The following TIMELESS variants were observed in gnomAD, a reference collection of about 807,000 sequenced individuals.
TIMELESS encodes the protein protein timeless homolog.
Under a neutral mutation model 164.3 loss-of-function variants are expected in TIMELESS, and 124 were observed. The observed-to-expected ratio is 0.75, with a 90% CI of 0.65 to 0.88. The LOEUF is 0.88. Ranked by LOEUF, TIMELESS falls within the 40% of genes least tolerant of loss-of-function variation. The probability of loss-of-function intolerance (pLI) is 0.00; values close to 1 mark genes in which losing one functional copy is unlikely to be tolerated. For synonymous variants in TIMELESS, 564 were observed against 563.4 expected (o/e 1.00, Z -0.02); for missense variants, 1,422 against 1,491.4 (o/e 0.95, Z 0.77).
Position 56,433,535 on chromosome 12 carries a change from C to T in TIMELESS, c.366+3G>A, listed in dbSNP as rs1881966200. 1 of 1,614,214 alleles carries T rather than the reference C, an allele frequency of 6.2e-7. No homozygotes were observed. The highest frequency in any genetic ancestry group is 8.5e-7 in the Non-Finnish European group (1 of 1,180,016). On this transcript the variant is annotated splice_donor_region_variant and intron_variant, in intron 4 of 28. Coordinates refer to ENST00000553532, the MANE Select transcript of TIMELESS (RefSeq NM_003920.5). ...CCCCAGGGACTCCAAAGGAAATCCT[C>T]ACCTCTTTGTAGGCCTGCAAATAAG... is the stretch of plus-strand genomic sequence containing the variant.
At chr12:56,419,279 A>G (rs1214255386) in intron 26 of TIMELESS, among the ~76,000 whole-genome samples, 1 of 152,226 alleles carries the variant, frequency 6.6e-6, no homozygotes, top group African/African-American at 2.4e-5. Context: ...GGCGTGAGCC[A>G]CCATACCCAG....
intron 1 of TIMELESS, among the ~76,000 whole-genome samples, chr12:56,447,701 T>C (rs1868385247): frequency 6.6e-6 from 1 of 152,152 alleles, no homozygotes; most frequent in Non-Finnish European, 1.5e-5. Context: ...CAGTAACCTT[T>C]TATTGATCTT....
chr12:56,440,910 C>T (rs1229960811), intron 1 of TIMELESS, among the ~76,000 whole-genome samples: 7 of 152,242 alleles, frequency 4.6e-5, no homozygotes, highest in Admixed American at 1.3e-4. Context: ...CTCTGCCTCC[C>T]GGGTTCAAAC....
intron 23 of TIMELESS, 72 bp from the exon 24 acceptor site, chr12:56,421,206 C>T (rs72480403): frequency 1.2e-6 from 2 of 1,601,906 alleles, no homozygotes; most frequent in Non-Finnish European, 1.7e-6. Context: ...CTCCTCGTTC[C>T]TGACCACCGC....
At chr12:56,447,697 CCTTTTATTGAT>C (rs2136159284) in intron 1 of TIMELESS, among the ~76,000 whole-genome samples, 1 of 152,238 alleles carries the variant, frequency 6.6e-6, no homozygotes, top group East Asian at 1.9e-4. Flanking sequence ...AGCTCAGTAA[CCTTTTATTGAT>C]CTTTTATTGA....
chr12:56,424,828 A>G lies in TIMELESS; in HGVS notation c.1802T>C (p.Val601Ala). ...AGCCAGGAGACAGTCTTGGATCCGT[A>G]CCATAGCTTCTGCCCGCTGCTCCTC... ...PVEEQRAEAMVRIQDCLLAGQ... is the reference protein window; with the variant it reads ...PVEEQRAEAMARIQDCLLAGQ... The change falls in exon 15 of 29, where the codon GTA becomes GCA. Residue 601 changes from valine to alanine, a missense_variant. Coordinates refer to ENST00000553532, the MANE Select transcript of TIMELESS (RefSeq NM_003920.5). 6.2e-7 allele frequency: 1 copy of G among 1,614,182 alleles called. No individual in the cohort carries two copies. The highest frequency in any genetic ancestry group is 8.5e-7 in the Non-Finnish European group (1 of 1,180,028).
At position 56,440,666 on chromosome 12, in the gene TIMELESS, T is replaced by C. The variant is rs532881163; in HGVS notation, c.-61-6435A>G. Among the ~76,000 whole-genome samples, 4 of 152,216 alleles carry C rather than the reference T, an allele frequency of 2.6e-5. No homozygotes were observed. The South Asian group carries it at 8.3e-4, about 32-fold the overall frequency. ...AATAATACCCACCCTCACAAGATATTAGGGAAGTGTAAATGAGATCATGTA... is the reference window on the plus strand; with the variant it reads ...AATAATACCCACCCTCACAAGATATCAGGGAAGTGTAAATGAGATCATGTA... On this transcript the variant is annotated intron_variant, in intron 1 of 28. Coordinates refer to ENST00000553532, the MANE Select transcript of TIMELESS (RefSeq NM_003920.5).
At chr12:56,442,297 C>T (rs1868287256) in intron 1 of TIMELESS, among the ~76,000 whole-genome samples, 1 of 152,074 alleles carries the variant, frequency 6.6e-6, no homozygotes, top group Admixed American at 6.6e-5. Flanking sequence ...AGGATTAAGG[C>T]AGCTGGGAAT....
chr12:56,418,329 T>C lies in TIMELESS; in HGVS notation c.3259A>G (p.Ser1087Gly). Residue 1087 changes from serine (S) to glycine (G), a missense_variant, in exon 27 of 29, where the codon AGT becomes GGT. By Grantham distance (56) the Ser-to-Gly change is moderately conservative. Transcript: ENST00000553532. ...GCTGCCCTCCGGAGCTGGGTAGGAC[T>C]CAGCTTGGCTGGAATTCGCCAGAAG... ...ETFWRIPAKL[S>G]PTQLRRAAAS... The C allele has an allele frequency of 1.9e-6, 3 of 1,611,938 alleles. No individual in the cohort carries two copies. Among genetic ancestry groups the C allele is most frequent in the Non-Finnish European group, 2.5e-6 (3 of 1,178,948 alleles).
At chr12:56,424,691 G>C (rs1881613529) in intron 15 of TIMELESS, 71 bp downstream of exon 15, 1 of 1,538,912 alleles carries the variant, frequency 6.5e-7, no homozygotes, top group African/African-American at 1.4e-5. Context: ...TGAAGACTGA[G>C]AACACTGTAC....
At chr12:56,423,028 G>A (rs905816621) in intron 18 of TIMELESS, 36 bp from the exon 19 acceptor site, 1 of 1,599,614 alleles carries the variant, frequency 6.3e-7, no homozygotes, top group African/African-American at 1.3e-5. Context: ...GGCCTCTCTG[G>A]TCCAATGCAG....
chr12:56,438,066 G>T (rs561989541), intron 1 of TIMELESS, among the ~76,000 whole-genome samples: 1 of 151,710 alleles, frequency 6.6e-6, no homozygotes, highest in Non-Finnish European at 1.5e-5. Flanking sequence ...TTCTGAGATG[G>T]AGTTTCGCTC....
intron 13 of TIMELESS, 51 bp from the exon 14 acceptor site, chr12:56,425,203 C>T (rs756596383): frequency 3.2e-6 from 4 of 1,242,894 alleles, no homozygotes; most frequent in Non-Finnish European, 3.3e-6. Flanking sequence ...AGAGGGCTTT[C>T]CCCATCAGTG....
In TIMELESS at chr12:56,421,385, T is replaced by C. The variant is rs1381779117; in HGVS notation, c.2834A>G (p.Lys945Arg). ...GGATGCCAACTTTTTCTGCCGTTTC[T>C]TGTACAGCTCCCGCCGCTCAGCCAC... Reference protein sequence around the residue: ...GLVAERRELYKKRQKKLASSI... With the variant: ...GLVAERRELYRKRQKKLASSI... The change falls in exon 23 of 29, where the codon AAG (lysine) becomes AGG (arginine). Residue 945 changes from lysine (K) to arginine (R), a missense_variant. Lys to Arg is a conservative substitution (Grantham distance 26). Coordinates refer to ENST00000553532, the MANE Select transcript of TIMELESS (RefSeq NM_003920.5). The C allele has an allele frequency of 6.2e-7, 1 of 1,614,096 alleles. No homozygotes were observed. The highest frequency in any genetic ancestry group is 1.1e-5 in the South Asian group (1 of 91,068).
intron 26 of TIMELESS, among the ~76,000 whole-genome samples, chr12:56,420,048 A>ATGTGTGTGTG (rs1363649039): frequency 8.9e-4 from 78 of 87,156 alleles, no homozygotes; most frequent in African/African-American, 2.0e-3. Flanking sequence ...ATATATATAT[A>ATGTGTGTGTG]TGTGTGTGTG....
At chr12:56,417,875 G>A in intron 28 of TIMELESS, 32 bp downstream of exon 28, 2 of 1,613,808 alleles carry the variant, frequency 1.2e-6, no homozygotes, top group Non-Finnish European at 8.5e-7. Context: ...CAGGATTAGA[G>A]AAGAAAAAGA....
At chr12:56,420,029 A>AAATATATAT (rs1555176447) in intron 26 of TIMELESS, among the ~76,000 whole-genome samples, 1 of 75,186 alleles carries the variant, frequency 1.3e-5, no homozygotes, top group Non-Finnish European at 2.2e-5. Context: ...AAAAAAAAAA[A>AAATATATAT]ATATATATAT....
At chr12:56,425,211 G>A in intron 13 of TIMELESS, 59 bp from the exon 14 acceptor site, 2 of 1,527,116 alleles carry the variant, frequency 1.3e-6, no homozygotes, top group East Asian at 4.7e-5. Flanking sequence ...TTCCCCATCA[G>A]TGTCTTTTCT....
At chr12:56,432,287 C>T (rs1881911735) in intron 7 of TIMELESS, 82 bp downstream of exon 7, 5 of 1,485,142 alleles carry the variant, frequency 3.4e-6, no homozygotes, top group Non-Finnish European at 2.7e-6. Context: ...GATAATGCAG[C>T]CATTATCACA....
Sources: gnomAD v4.1 joint callset for allele counts (sites outside exome capture counted in the v4.1 genomes callset) on GRCh38, gnomAD v4.1.1 for gene constraint, MANE v1.5 for transcripts, NCBI Gene and HGNC (gene_info 2026-07-23, HGNC 2026-07-21) for gene names.